Variants in FKBP8 observed in about 807,000 individuals in gnomAD.
FKBP8 encodes FKBP prolyl isomerase 8, also known as peptidyl-prolyl cis-trans isomerase FKBP8.
FKBP8 carries 5 observed loss-of-function variants against 41.7 expected under a neutral mutation model. That is an observed-to-expected ratio of 0.12 (90% CI 0.06 to 0.25). The LOEUF (loss-of-function observed/expected upper bound fraction) is 0.25, where lower values mean the gene tolerates loss of function less well. Ranked by LOEUF, FKBP8 falls within the 10% of genes least tolerant of loss-of-function variation. The pLI is 1.00. For missense variants in FKBP8, 397 were observed against 563.0 expected, an observed-to-expected ratio of 0.71 and a Z score of 2.98; for synonymous variants, 279 against 254.5, an observed-to-expected ratio of 1.10 and a Z score of -0.92.
In FKBP8 at chr19:18,541,770, C is replaced by T. The variant is rs61742106; in HGVS notation, c.201G>A (p.Glu67=). The part of the protein sequence containing the change: ...DMGQPPAEEA[E]QPGALAREFL... ...ACTCTCGGGCCAGGGCCCCAGGCTG[C>T]TCAGCCTCCTCCGCCGGGGGTTGTC... Residue 67 remains glutamate (E), a synonymous_variant, in exon 2 of 9, where the codon GAG becomes GAA. Coordinates refer to ENST00000608443, the MANE Select transcript of FKBP8 (RefSeq NM_012181.5). 7.8e-3 allele frequency: 12,538 copies of T among 1,614,040 alleles called. 60 individuals carry two copies. Among genetic ancestry groups the T allele is most frequent in the Non-Finnish European group, 9.3e-3 (11,004 of 1,179,980 alleles).
chr19:18,535,040 C>T (rs1286547341), intron 6 of FKBP8, among the ~76,000 whole-genome samples: 2 of 152,136 alleles, frequency 1.3e-5, no homozygotes, highest in Non-Finnish European at 2.9e-5. Flanking sequence ...CTGCCTCAGC[C>T]TCCCAAAGTG....
Position 18,541,674 on chromosome 19 carries a change from C to T in FKBP8, c.292+5G>A. 1 of 1,600,842 alleles carries T rather than the reference C, an allele frequency of 6.2e-7. No individual in the cohort carries two copies. Among genetic ancestry groups the T allele is most frequent in the Non-Finnish European group, 8.5e-7 (1 of 1,172,170 alleles). On this transcript the variant is annotated splice_donor_5th_base_variant and intron_variant, in intron 2 of 8. Transcript: ENST00000608443. The stretch of plus-strand genomic sequence containing the variant: ...AGGGCACCCTGATCCACCTTTGCTC[C>T]TTACCCAGAATGTCCAGCCACTCTT...
chr19:18,541,576 G>T, intron 2 of FKBP8, 103 bp downstream of exon 2: 1 of 1,488,682 alleles, frequency 6.7e-7, no homozygotes, highest in Non-Finnish European at 9.0e-7. Flanking sequence ...GATCACGGTG[G>T]TGACCACGTG....
chr19:18,534,514 C>T (rs527311614), intron 6 of FKBP8, among the ~76,000 whole-genome samples: 51 of 152,236 alleles, frequency 3.4e-4, no homozygotes, highest in African/African-American at 1.2e-3. Context: ...GCACCCACCT[C>T]GCTGCCTCCT....
intron 2 of FKBP8, among the ~76,000 whole-genome samples, chr19:18,540,329 G>T (rs1976670211): frequency 6.6e-6 from 1 of 152,136 alleles, no homozygotes; most frequent in Non-Finnish European, 1.5e-5. Context: ...GGACACACAT[G>T]GTGGCTCATG....
In FKBP8 at chr19:18,537,186, A is replaced by C. The variant is rs1157906956; in HGVS notation, c.945+415T>G. Among the ~76,000 whole-genome samples the C allele has an allele frequency of 1.3e-5, 2 of 152,060 alleles. No homozygotes were observed. Among genetic ancestry groups the C allele is most frequent in the African/African-American group, 4.8e-5 (2 of 41,396 alleles). On this transcript the variant is annotated intron_variant, in intron 6 of 8. Transcript: ENST00000608443. The surrounding 1 kb of genome is among the most constrained non-coding windows in gnomAD (Gnocchi z 4.4). ...AACCACATCTCTACTAAAAATACAAAAATTAACTGGGTGTGGTGGCTCGCA... is the reference window on the plus strand; with the variant it reads ...AACCACATCTCTACTAAAAATACAACAATTAACTGGGTGTGGTGGCTCGCA...
At chr19:18,533,191 A>G in intron 7 of FKBP8, 79 bp downstream of exon 7, 2 of 1,341,192 alleles carry the variant, frequency 1.5e-6, no homozygotes, top group Non-Finnish European at 2.0e-6. Flanking sequence ...ACAGAGAGCC[A>G]CAGCAAGAAA....
At position 18,533,723 on chromosome 19, in the gene FKBP8, A is replaced by AT. The variant is rs541950282; in HGVS notation, c.946-377_946-376insA. ...TGTCTTAAAAAAAGAAAAAAAAAAA[A>AT]GGGTCGGGCGCAGTGGCTCATGCCT... On this transcript the variant is annotated intron_variant, in intron 6 of 8. Transcript: ENST00000608443. Among the ~76,000 whole-genome samples, 723 of 151,136 alleles carry AT rather than the reference A, an allele frequency of 4.8e-3. 8 individuals are homozygous for AT. The highest frequency in any genetic ancestry group is 0.017 in the African/African-American group (687 of 41,196).
rs1976614920 is a variant in FKBP8 at position 18,537,870 on chromosome 19, T to TC, written c.773-98dup. The TC allele has an allele frequency of 1.5e-6, 2 of 1,358,164 alleles. No homozygotes were observed. Among genetic ancestry groups the TC allele is most frequent in the South Asian group, 2.8e-5 (2 of 72,210 alleles). The allele number at this position is 1,358,164 out of a possible 1,614,324, so 84.1% of individuals were successfully genotyped here. The stretch of plus-strand genomic sequence containing the variant: ...GGAGGCTGCCTCTCTGGCCTCAGTT[T>TC]CCCCAATTTTAACCCCGGACCAAGG... On this transcript the variant is annotated intron_variant, in intron 5 of 8. Transcript: ENST00000608443. This position sits in a 1 kb window ranked among gnomAD's most constrained non-coding sequence, Gnocchi z 4.4.
Position 18,531,931 on chromosome 19 carries a change from G to A in FKBP8, c.*238C>T. 1 of 549,254 alleles carries A rather than the reference G, an allele frequency of 1.8e-6. No homozygotes were observed. Among genetic ancestry groups the A allele is most frequent in the East Asian group, 3.0e-5 (1 of 32,908 alleles). The allele number at this position is 549,254 out of a possible 1,614,324, so 34.0% of individuals were successfully genotyped here. ...CCCTGGCGGAGACCTAGCCCAGCGG[G>A]GTAAGGAGGGTGGGGGAAAACTGGG... On this transcript the variant is annotated 3_prime_UTR_variant, in exon 9 of 9. Coordinates refer to ENST00000608443, the MANE Select transcript of FKBP8 (RefSeq NM_012181.5).
intron 6 of FKBP8, among the ~76,000 whole-genome samples, chr19:18,533,818 A>G (rs1422017673): frequency 6.6e-6 from 1 of 151,580 alleles, no homozygotes; most frequent in Admixed American, 6.6e-5. Flanking sequence ...CATCCTGGCT[A>G]AGACGGTGAA....
In FKBP8 at chr19:18,531,841, A is replaced by G. The variant is rs1165471971; in HGVS notation, c.*328T>C. ...GCGGCAGGCGGGGTGGGGGGCTGGC[A>G]CTCAGGCGGGGACTAGGCAGGGGAA... On this transcript the variant is annotated 3_prime_UTR_variant, in exon 9 of 9. Coordinates refer to ENST00000608443, the MANE Select transcript of FKBP8 (RefSeq NM_012181.5). The G allele has an allele frequency of 1.4e-5, 4 of 292,516 alleles. No individual in the cohort carries two copies. Among genetic ancestry groups the G allele is most frequent in the Non-Finnish European group, 2.6e-5 (4 of 154,386 alleles). The allele number at this position is 292,516 out of a possible 1,614,324, so 18.1% of individuals were successfully genotyped here. A position where few individuals can be genotyped will look rare whatever the true frequency, so the allele number is the denominator to read the frequency against.
At chr19:18,534,080 C>T (rs563217755) in intron 6 of FKBP8, among the ~76,000 whole-genome samples, 2 of 150,276 alleles carry the variant, frequency 1.3e-5, no homozygotes, top group African/African-American at 4.9e-5. Flanking sequence ...TCAAGGCAGG[C>T]GGATCAAGAG....
chr19:18,536,846 C>T (rs1009460083), intron 6 of FKBP8, among the ~76,000 whole-genome samples: 2 of 152,230 alleles, frequency 1.3e-5, no homozygotes, highest in African/African-American at 4.8e-5. Context: ...TACGCAAAGG[C>T]CCTGAGGTGG....
At chr19:18,534,913 G>A (rs926092337) in intron 6 of FKBP8, among the ~76,000 whole-genome samples, 1 of 151,744 alleles carries the variant, frequency 6.6e-6, no homozygotes, top group Non-Finnish European at 1.5e-5. Context: ...TCAGCCTCCC[G>A]AGTAACTGGG....
At chr19:18,543,271 A>AT (rs1482606396) in intron 1 of FKBP8, 1 of 45,010 alleles carries the variant, frequency 2.2e-5, no homozygotes, top group Admixed American at 3.3e-4. Flanking sequence ...CCCCCACTGG[A>AT]TCCCCTTTGC....
chr19:18,535,781 AG>A (rs1283108111), intron 6 of FKBP8, among the ~76,000 whole-genome samples: 4 of 114,648 alleles, frequency 3.5e-5, no homozygotes, highest in East Asian at 2.4e-4. Flanking sequence ...TCCAGGGGGG[AG>A]GGGGGAGCAT....
chr19:18,532,065 G>A lies in FKBP8; in HGVS notation c.*104C>T, dbSNP rs1003418015. The stretch of plus-strand genomic sequence containing the variant: ...CAATCCTTGCTCCCCTAACCCGGAG[G>A]AGGGGGCCAGACCAGGGAGGGCAGT... On this transcript the variant is annotated 3_prime_UTR_variant, in exon 9 of 9. Transcript: ENST00000608443. 3.9e-6 allele frequency: 4 copies of A among 1,016,536 alleles called. No individual in the cohort carries two copies. In the African/African-American group the frequency reaches 4.8e-5, roughly 12 times the overall value. The allele number at this position is 1,016,536 out of a possible 1,614,324, so 63.0% of individuals were successfully genotyped here.
chr19:18,534,065 G>A (rs1458592752), intron 6 of FKBP8, among the ~76,000 whole-genome samples: 3 of 150,778 alleles, frequency 2.0e-5, no homozygotes, highest in Admixed American at 6.6e-5. Flanking sequence ...CAGCACTTTG[G>A]GAGGTCAAGG....
Sources: allele counts gnomAD v4.1 joint callset (sites outside exome capture counted in the v4.1 genomes callset), GRCh38; gene constraint gnomAD v4.1.1; non-coding constraint Gnocchi (gnomAD v3.1); transcripts MANE v1.5; gene names NCBI Gene and HGNC (gene_info 2026-07-23, HGNC 2026-07-21).